The following CLIC5 variants were observed in gnomAD, a reference collection of about 807,000 sequenced individuals.
CLIC5 encodes the protein CLIC family member 5.
Under a neutral mutation model 24.7 loss-of-function variants are expected in CLIC5, and 20 were observed. The ratio of observed to expected loss-of-function variants is 0.81; its 90% CI spans 0.57 to 1.18. The LOEUF is 1.18. Among genes scored for constraint, CLIC5 ranks in the 50% most tolerant of loss-of-function variants. The probability of loss-of-function intolerance (pLI) is 0.00; values close to 1 mark genes in which losing one functional copy is unlikely to be tolerated. For missense variants in CLIC5, 341 were observed against 326.1 expected, an observed-to-expected ratio of 1.05 and a Z score of -0.35; for synonymous variants, 159 against 135.6, an observed-to-expected ratio of 1.17 and a Z score of -1.20.
intron 3 of CLIC5, among the ~76,000 whole-genome samples, chr6:45,948,468 C>G (rs985413570): frequency 2.0e-5 from 3 of 152,182 alleles, no homozygotes; most frequent in Non-Finnish European, 4.4e-5. Flanking sequence ...TGCTTAATCC[C>G]TTTCAGAATA....
chr6:46,086,567 G>A, the CLIC5 span, among the ~76,000 whole-genome samples: 10 of 152,294 alleles, frequency 6.6e-5, no homozygotes, highest in African/African-American at 2.4e-4. Flanking sequence ...GCTAGACTGT[G>A]GATGGCCTTG....
At chr6:46,088,439 A>G in the CLIC5 span, among the ~76,000 whole-genome samples, 1 of 152,154 alleles carries the variant, frequency 6.6e-6, no homozygotes, top group Non-Finnish European at 1.5e-5. Flanking sequence ...AATTTCTTGG[A>G]TTCCTGTGTA....
intron 5 of CLIC5, among the ~76,000 whole-genome samples, chr6:45,910,167 T>C (rs531775775): frequency 1.3e-5 from 2 of 152,300 alleles, no homozygotes; most frequent in East Asian, 3.9e-4. Context: ...AGTGTAAGGA[T>C]AGCAATCACA....
intron 1 of CLIC5, among the ~76,000 whole-genome samples, chr6:46,046,235 A>G (rs542888299): frequency 6.6e-6 from 1 of 152,328 alleles, no homozygotes; most frequent in Non-Finnish European, 1.5e-5. Context: ...TCCCTCCACT[A>G]TGTAATGAAG....
chr6:45,921,773 T>A (rs1477193435), intron 4 of CLIC5, among the ~76,000 whole-genome samples: 51 of 152,198 alleles, frequency 3.4e-4, no homozygotes, highest in Admixed American at 3.3e-3. Flanking sequence ...CCTGGAAGCA[T>A]CTCTTTGGGT....
chr6:46,116,557 A>C, the CLIC5 span, among the ~76,000 whole-genome samples: 2 of 152,208 alleles, frequency 1.3e-5, no homozygotes, highest in Non-Finnish European at 2.9e-5. Context: ...AGTACTCAGC[A>C]CAGTATCTGA....
At chr6:46,072,012 C>T (rs771217858) in intron 1 of CLIC5, among the ~76,000 whole-genome samples, 1 of 152,010 alleles carries the variant, frequency 6.6e-6, no homozygotes, top group Non-Finnish European at 1.5e-5. Flanking sequence ...CATGCTCTCA[C>T]CCATAAGTGG....
intron 1 of CLIC5, among the ~76,000 whole-genome samples, chr6:46,076,107 TC>T (rs1762760457): frequency 1.3e-5 from 2 of 152,260 alleles, no homozygotes; most frequent in African/African-American, 4.8e-5. Context: ...TACTGTTCCT[TC>T]CAAAATCGCC....
intron 4 of CLIC5, among the ~76,000 whole-genome samples, chr6:45,917,483 C>A (rs1235016151): frequency 6.6e-6 from 1 of 152,152 alleles, no homozygotes; most frequent in Non-Finnish European, 1.5e-5. Flanking sequence ...GTGGCCAACT[C>A]CCTGGAGAGG....
intron 1 of CLIC5, among the ~76,000 whole-genome samples, chr6:45,969,312 C>A (rs1254251758): frequency 6.6e-6 from 1 of 152,228 alleles, no homozygotes; most frequent in South Asian, 2.1e-4. Flanking sequence ...CTGTGACCAC[C>A]TTTGCTAGCT....
chr6:46,123,482 A>C, the CLIC5 span, among the ~76,000 whole-genome samples: 1 of 152,216 alleles, frequency 6.6e-6, no homozygotes, highest in Non-Finnish European at 1.5e-5. Flanking sequence ...TATCATACTG[A>C]ATGGGCAAAA....
chr6:45,995,977 G>C lies in CLIC5; in HGVS notation c.63+19503C>G, dbSNP rs72856977. ...ACTGGGGACTGTTGAGGGCTGGGGT[G>C]GGGGGAGAGAGAGCATTAGGAAAAA... On this transcript the variant is annotated intron_variant, in intron 1 of 5. Coordinates refer to ENST00000339561, the MANE Select transcript of CLIC5 (RefSeq NM_016929.5). Among the ~76,000 whole-genome samples, 465 of 152,190 alleles carry C rather than the reference G, an allele frequency of 3.1e-3. 12 individuals are homozygous for C. The highest frequency in any genetic ancestry group is 0.02 in the Admixed American group (306 of 15,280).
intron 6 of CLIC5, among the ~76,000 whole-genome samples, chr6:45,888,152 TG>T (rs894439964): frequency 3.9e-5 from 6 of 151,998 alleles, no homozygotes; most frequent in Admixed American, 2.0e-4. Context: ...TTCCCTGGGG[TG>T]GGGGGGATTT....
At chr6:46,029,333 G>A (rs1194492967) in intron 1 of CLIC5, among the ~76,000 whole-genome samples, 3 of 152,092 alleles carry the variant, frequency 2.0e-5, no homozygotes, top group African/African-American at 7.2e-5. Context: ...TATTTGCATG[G>A]GATTTCCGAA....
intron 4 of CLIC5, among the ~76,000 whole-genome samples, chr6:45,918,069 C>T (rs948466670): frequency 6.6e-6 from 1 of 152,200 alleles, no homozygotes; most frequent in African/African-American, 2.4e-5. Flanking sequence ...TCCGCCTCTG[C>T]TCCCCATACA....
intron 1 of CLIC5, among the ~76,000 whole-genome samples, chr6:46,042,949 A>G (rs935493545): frequency 6.6e-6 from 1 of 152,200 alleles, no homozygotes; most frequent in Non-Finnish European, 1.5e-5. Flanking sequence ...GCCAAGGCAC[A>G]TGCTTCTGGG....
chr6:45,885,369 A>T (rs572586611), intron 6 of CLIC5, among the ~76,000 whole-genome samples: 26 of 152,356 alleles, frequency 1.7e-4, no homozygotes, highest in African/African-American at 5.5e-4. Context: ...ACTGTGAGAA[A>T]TAAATTTCTA....
chr6:46,079,029 C>T (rs1010412317), intron 1 of CLIC5, among the ~76,000 whole-genome samples: 4 of 152,126 alleles, frequency 2.6e-5, no homozygotes, highest in African/African-American at 7.2e-5. Flanking sequence ...GGCCTGCCAT[C>T]TTGATTAATA....
At chr6:46,114,379 C>A in the CLIC5 span, among the ~76,000 whole-genome samples, 1 of 152,148 alleles carries the variant, frequency 6.6e-6, no homozygotes, top group African/African-American at 2.4e-5. Flanking sequence ...TTACCGTCAC[C>A]CCCAGAAGAT....
Sources: gnomAD v4.1 joint callset for allele counts (sites outside exome capture counted in the v4.1 genomes callset) on GRCh38, gnomAD v4.1.1 for gene constraint, MANE v1.5 for transcripts, NCBI Gene and HGNC (gene_info 2026-07-23, HGNC 2026-07-21) for gene names.